The following HTT variants were observed in gnomAD, a reference collection of about 807,000 sequenced individuals.
HTT encodes the protein huntington disease protein.
Under a neutral mutation model 362.3 loss-of-function variants are expected in HTT, and 104 were observed. That is an observed-to-expected ratio of 0.29 (90% CI 0.24 to 0.34). HTT has a LOEUF of 0.34. Ranked by LOEUF, HTT falls within the 10% of genes least tolerant of loss-of-function variation. The pLI is 1.00. For missense variants in HTT, 3,301 were observed against 3,928.6 expected, an observed-to-expected ratio of 0.84 and a Z score of 4.27; for synonymous variants, 1,577 against 1,548.7, an observed-to-expected ratio of 1.02 and a Z score of -0.43.
intron 6 of HTT, among the ~76,000 whole-genome samples, chr4:3,109,743 T>C (rs538724951): frequency 2.9e-4 from 44 of 152,198 alleles, no homozygotes; most frequent in African/African-American, 1.0e-3. Flanking sequence ...AGAGAGGACC[T>C]GGGGAGGAGG....
chr4:3,150,461 T>A (rs1716820659), intron 26 of HTT, among the ~76,000 whole-genome samples: 1 of 152,160 alleles, frequency 6.6e-6, no homozygotes, highest in African/African-American at 2.4e-5. Context: ...TGTAGCCAGC[T>A]GCCCCGTGAC....
At chr4:3,202,594 A>G (rs981358599) in intron 41 of HTT, among the ~76,000 whole-genome samples, 3 of 152,088 alleles carry the variant, frequency 2.0e-5, no homozygotes, top group Non-Finnish European at 4.4e-5. Context: ...CCACATCAAG[A>G]TATAGAGGAG....
At position 3,132,646 on chromosome 4, in the gene HTT, C is replaced by A; in HGVS notation, c.2321C>A (p.Thr774Asn). Residue 774 changes from threonine to asparagine, a missense_variant, in exon 17 of 67, where the codon ACC becomes AAC. Coordinates refer to ENST00000355072, the MANE Select transcript of HTT (RefSeq NM_001388492.1). ...GGAGCCACTGCCATTCTCTGTGGGA[C>A]CCTCATCTGCTCCATCCTCAGCAGG... The part of the protein sequence containing the change: ...VRGATAILCG[T>N]LICSILSRSR... 2.5e-6 allele frequency: 4 copies of A among 1,614,050 alleles called. No homozygotes were observed. The highest frequency in any genetic ancestry group is 3.4e-6 in the Non-Finnish European group (4 of 1,179,902).
At chr4:3,232,925 G>A (rs1721329624) in intron 60 of HTT, among the ~76,000 whole-genome samples, 3 of 152,238 alleles carry the variant, frequency 2.0e-5, no homozygotes, top group African/African-American at 7.2e-5. Context: ...CACCAACCCT[G>A]GTGCCCACAC....
At chr4:3,136,037 A>G in intron 20 of HTT, 70 bp downstream of exon 20, 1 of 1,116,402 alleles carries the variant, frequency 9.0e-7, no homozygotes, top group Non-Finnish European at 1.3e-6. Context: ...TCCTTGTGGA[A>G]TTTCTCTAAA....
chr4:3,111,349 A>G (rs1279382372), intron 6 of HTT, among the ~76,000 whole-genome samples: 2 of 152,106 alleles, frequency 1.3e-5, no homozygotes, highest in African/African-American at 4.8e-5. Context: ...GTGCACCACC[A>G]TGCCCGGCTA....
Position 3,134,371 on chromosome 4 carries a change from T to C in HTT, c.2494-30T>C, listed in dbSNP as rs761189534. ...CGGGTACTGAGTGGGACTAACCTGC[T>C]GTCCTCTTGCCTTGGACCTTGTGTT... On this transcript the variant is annotated intron_variant, in intron 18 of 66. Coordinates refer to ENST00000355072, the MANE Select transcript of HTT (RefSeq NM_001388492.1). The C allele has an allele frequency of 3.0e-5, 48 of 1,605,068 alleles. No individual in the cohort carries two copies. The Middle Eastern group carries it at 7.1e-4, about 24-fold the overall frequency.
intron 23 of HTT, among the ~76,000 whole-genome samples, chr4:3,143,194 T>C (rs1716429330): frequency 6.6e-6 from 1 of 152,112 alleles, no homozygotes; most frequent in South Asian, 2.1e-4. Flanking sequence ...CCCAGCACTT[T>C]GGGAGGCCAA....
At position 3,099,957 on chromosome 4, in the gene HTT, C is replaced by T. The variant is rs192133696; in HGVS notation, c.468+563C>T. On this transcript the variant is annotated intron_variant, in intron 3 of 66. Transcript: ENST00000355072. The stretch of plus-strand genomic sequence containing the variant: ...GGTGCTCTTGTATGGTTTGGAGGTG[C>T]TCTATTGTATGGTTTGGAGATGCTC... 2.0e-5 allele frequency among the ~76,000 whole-genome samples: 3 copies of T among 152,068 alleles called. No homozygotes were observed. The East Asian group carries it at 5.9e-4, about 30-fold the overall frequency.
rs367944462 is a variant in HTT, at chr4:3,206,595, A to T, written c.5818A>T (p.Ile1940Phe). ...LSHEPPVQDF[I>F]SAVHRNSAAS... ...CCACGAGCCTCCAGTACAGGACTTC[A>T]TCAGTGCCGTTCATCGGAACTCTGC... The change falls in exon 43 of 67, where the codon ATC (isoleucine) becomes TTC (phenylalanine). Residue 1940 changes from isoleucine (I) to phenylalanine (F), a missense_variant. Ile to Phe is a conservative substitution (Grantham distance 21). Around this residue, in one of 4 missense-constraint regions of HTT, gnomAD observed 2,316 missense variants for 2,658.5 expected, o/e 0.87. Transcript: ENST00000355072. This position sits in a 1 kb window ranked among gnomAD's most constrained non-coding sequence, Gnocchi z 4.6. 6.2e-7 allele frequency: 1 copy of T among 1,614,188 alleles called. No individual in the cohort carries two copies. Among genetic ancestry groups the T allele is most frequent in the Admixed American group, 1.7e-5 (1 of 60,026 alleles).
chr4:3,104,422 A>G (rs377596522), intron 4 of HTT, among the ~76,000 whole-genome samples: 2 of 151,920 alleles, frequency 1.3e-5, no homozygotes, highest in African/African-American at 4.8e-5. Context: ...CAGCCTGGCC[A>G]ACATGGAGAA....
At chr4:3,135,558 G>A (rs1716022807) in intron 19 of HTT, among the ~76,000 whole-genome samples, 1 of 152,020 alleles carries the variant, frequency 6.6e-6, no homozygotes, top group Admixed American at 6.5e-5. Context: ...AGATAGGGAC[G>A]CTGAGCGTGC....
intron 59 of HTT, among the ~76,000 whole-genome samples, chr4:3,229,496 G>A (rs549723156): frequency 4.2e-3 from 549 of 132,146 alleles, no homozygotes; most frequent in African/African-American, 0.016. Flanking sequence ...CTACACACAC[G>A]CCACGTGCAC....
At chr4:3,138,081 CTT>C (rs1716157737) in intron 21 of HTT, among the ~76,000 whole-genome samples, 2 of 150,120 alleles carry the variant, frequency 1.3e-5, no homozygotes, top group Non-Finnish European at 3.0e-5. Flanking sequence ...TCCTTCCTTC[CTT>C]CCTTCCTTCC....
At chr4:3,076,345 A>G (rs747007050) in intron 1 of HTT, among the ~76,000 whole-genome samples, 1 of 152,128 alleles carries the variant, frequency 6.6e-6, no homozygotes, top group Non-Finnish European at 1.5e-5. Context: ...CCCAGATGGC[A>G]TTTGGTAAGA....
In HTT at chr4:3,206,855, A is replaced by G; in HGVS notation, c.5947A>G (p.Ser1983Gly). 1 of 1,612,894 alleles carries G rather than the reference A, an allele frequency of 6.2e-7. No individual in the cohort carries two copies. Among genetic ancestry groups the G allele is most frequent in the Non-Finnish European group, 8.5e-7 (1 of 1,179,048 alleles). Residue 1983 changes from serine (S) to glycine (G), a missense_variant, in exon 44 of 67, where the codon AGC (serine) becomes GGC (glycine). Coordinates refer to ENST00000355072, the MANE Select transcript of HTT (RefSeq NM_001388492.1). This position sits in a 1 kb window ranked among gnomAD's most constrained non-coding sequence, Gnocchi z 4.6. ...TCAGTGCTTGGAGGGGATCCATCTC[A>G]GCCAGTCGGGAGCTGTGCTCACGCT... The part of the protein sequence containing the change: ...TLQCLEGIHL[S>G]QSGAVLTLYV...
At chr4:3,155,598 T>C (rs1449697278) in intron 27 of HTT, among the ~76,000 whole-genome samples, 1 of 151,010 alleles carries the variant, frequency 6.6e-6, no homozygotes, top group Non-Finnish European at 1.5e-5. Flanking sequence ...TATGTGTACA[T>C]TGGCCAGGCG....
At chr4:3,122,114 C>T (rs1031157030) in intron 9 of HTT, among the ~76,000 whole-genome samples, 7 of 152,194 alleles carry the variant, frequency 4.6e-5, no homozygotes, top group African/African-American at 1.4e-4. Context: ...TGAGAAAATC[C>T]GTCTGTCCCC....
At chr4:3,170,600 G>A (rs60215756) in intron 29 of HTT, among the ~76,000 whole-genome samples, 5,650 of 152,230 alleles carry the variant, frequency 0.037, 308 homozygotes, top group African/African-American at 0.12. Flanking sequence ...CTGGTGCTCT[G>A]TCTTATGAAC....
Sources: allele counts gnomAD v4.1 joint callset (sites outside exome capture counted in the v4.1 genomes callset), GRCh38; gene constraint gnomAD v4.1.1; regional missense constraint gnomAD v4.1.1; non-coding constraint Gnocchi (gnomAD v3.1); transcripts MANE v1.5; gene names NCBI Gene and HGNC (gene_info 2026-07-23, HGNC 2026-07-21).